The following MRAP2 variants were observed in gnomAD, a reference collection of about 807,000 sequenced individuals.
MRAP2 encodes the protein melanocortin 2 receptor accessory protein 2.
A neutral mutation model predicts 17.4 loss-of-function variants in MRAP2; 20 were observed. The observed-to-expected ratio is 1.15, with a 90% CI of 0.81 to 1.67. The LOEUF (loss-of-function observed/expected upper bound fraction) is 1.67, where lower values mean the gene tolerates loss of function less well. Among genes scored for constraint, MRAP2 ranks in the 40% most tolerant of loss-of-function variants. MRAP2 has a pLI of 0.00. For missense variants in MRAP2, 238 were observed against 240.0 expected (o/e 0.99, Z 0.05); for synonymous variants, 96 against 88.4 (o/e 1.09, Z -0.48).
intron 3 of MRAP2, among the ~76,000 whole-genome samples, chr6:84,075,600 A>G (rs999667658): frequency 6.6e-6 from 1 of 152,180 alleles, no homozygotes; most frequent in East Asian, 1.9e-4. Context: ...TAAATCTGCC[A>G]GATAGAGAGT....
At chr6:84,084,511 G>A (rs2099499782) in intron 3 of MRAP2, among the ~76,000 whole-genome samples, 1 of 152,110 alleles carries the variant, frequency 6.6e-6, no homozygotes, top group African/African-American at 2.4e-5. Context: ...ATTTCCAAAG[G>A]TGTCTAAATT....
At chr6:84,111,583 A>G in the MRAP2 span, among the ~76,000 whole-genome samples, 1 of 152,112 alleles carries the variant, frequency 6.6e-6, no homozygotes, top group African/African-American at 2.4e-5. Flanking sequence ...TTTCTATTTG[A>G]ATACCGTTTA....
chr6:84,109,420 C>A, the MRAP2 span, among the ~76,000 whole-genome samples: 2 of 151,732 alleles, frequency 1.3e-5, no homozygotes, highest in South Asian at 4.2e-4. Flanking sequence ...GTATTTTATT[C>A]CTTTTGTGGC....
At chr6:84,044,510 G>C (rs1238974392) in intron 1 of MRAP2, among the ~76,000 whole-genome samples, 1 of 152,234 alleles carries the variant, frequency 6.6e-6, no homozygotes, top group Non-Finnish European at 1.5e-5. Flanking sequence ...CTGGTCACAT[G>C]TAGGTTTCCT....
chr6:84,099,835 T>G, the MRAP2 span, among the ~76,000 whole-genome samples: 1 of 152,116 alleles, frequency 6.6e-6, no homozygotes, highest in Non-Finnish European at 1.5e-5. Context: ...TTAATACAGA[T>G]AGTGTATATC....
chr6:84,125,664 T>C, the MRAP2 span, among the ~76,000 whole-genome samples: 2 of 152,008 alleles, frequency 1.3e-5, no homozygotes, highest in Non-Finnish European at 2.9e-5. Flanking sequence ...CCTCTTCCTC[T>C]CCTCTGCACA....
intron 2 of MRAP2, among the ~76,000 whole-genome samples, chr6:84,058,016 G>C (rs1204172624): frequency 6.6e-6 from 1 of 152,158 alleles, no homozygotes; most frequent in Non-Finnish European, 1.5e-5. Flanking sequence ...GGAGTGATAA[G>C]AGGCAGAACA....
chr6:84,083,373 C>T (rs1180035118), intron 3 of MRAP2, among the ~76,000 whole-genome samples: 1 of 152,160 alleles, frequency 6.6e-6, no homozygotes, highest in Non-Finnish European at 1.5e-5. Context: ...ATTTTTATAG[C>T]CTGTGAATAT....
intron 2 of MRAP2, among the ~76,000 whole-genome samples, chr6:84,058,431 A>C (rs1206875489): frequency 6.6e-6 from 1 of 152,234 alleles, no homozygotes; most frequent in Non-Finnish European, 1.5e-5. Flanking sequence ...GCAGGATGGA[A>C]TTGCCTTTAA....
chr6:84,144,521 G>A, the MRAP2 span, among the ~76,000 whole-genome samples: 1 of 152,006 alleles, frequency 6.6e-6, no homozygotes, highest in Non-Finnish European at 1.5e-5. Context: ...TTTCCTAAGA[G>A]CTTTTGTAAG....
intron 1 of MRAP2, among the ~76,000 whole-genome samples, chr6:84,036,320 G>C (rs1037157383): frequency 6.6e-6 from 1 of 152,098 alleles, no homozygotes; most frequent in Non-Finnish European, 1.5e-5. Context: ...GAGCAAGGAG[G>C]CCTTGTTGAA....
intron 3 of MRAP2, among the ~76,000 whole-genome samples, chr6:84,077,871 T>A (rs551793097): frequency 1.3e-5 from 2 of 152,218 alleles, no homozygotes; most frequent in Non-Finnish European, 1.5e-5. Context: ...GGTAGAACTT[T>A]CTGTGATGAT....
chr6:84,058,332 G>A (rs2099492200), intron 2 of MRAP2, among the ~76,000 whole-genome samples: 1 of 152,214 alleles, frequency 6.6e-6, no homozygotes, highest in Non-Finnish European at 1.5e-5. Context: ...TTAAAAGATG[G>A]ATCTGGCAAG....
the MRAP2 span, among the ~76,000 whole-genome samples, chr6:84,141,207 A>G: frequency 6.6e-6 from 1 of 152,130 alleles, no homozygotes; most frequent in Non-Finnish European, 1.5e-5. Context: ...GAATCACATT[A>G]AAATGGGTAT....
the MRAP2 span, among the ~76,000 whole-genome samples, chr6:84,137,767 G>GAAT: frequency 6.6e-6 from 1 of 152,004 alleles, no homozygotes; most frequent in South Asian, 2.1e-4. Context: ...AATCTATGAT[G>GAAT]AATACTAAAA....
chr6:84,123,554 CTCA>C, the MRAP2 span, among the ~76,000 whole-genome samples: 1 of 151,996 alleles, frequency 6.6e-6, no homozygotes, highest in East Asian at 1.9e-4. Context: ...ACCCTTACCT[CTCA>C]TCATATACAA....
chr6:84,120,999 AT>A, the MRAP2 span, among the ~76,000 whole-genome samples: 1 of 152,090 alleles, frequency 6.6e-6, no homozygotes, highest in South Asian at 2.1e-4. Context: ...CAAAAACTCA[AT>A]TTTTCTATCA....
At chr6:84,063,949 GCACAAGAAT>G (rs953949906) in intron 3 of MRAP2, among the ~76,000 whole-genome samples, 2 of 151,812 alleles carry the variant, frequency 1.3e-5, no homozygotes, top group African/African-American at 4.8e-5. Flanking sequence ...GGATGCTGAA[GCACAAGAAT>G]CACTTGAACC....
chr6:84,109,869 G>C, the MRAP2 span, among the ~76,000 whole-genome samples: 1 of 149,648 alleles, frequency 6.7e-6, no homozygotes, highest in Admixed American at 6.8e-5. Flanking sequence ...TTCTCTTCTT[G>C]CCTTAGTTTG....
Sources: gnomAD v4.1 joint callset for allele counts (sites outside exome capture counted in the v4.1 genomes callset) on GRCh38, gnomAD v4.1.1 for gene constraint, MANE v1.5 for transcripts, NCBI Gene and HGNC (gene_info 2026-07-23, HGNC 2026-07-21) for gene names.